The following CRPPA variants were observed in gnomAD, a reference collection of about 807,000 sequenced individuals.
The protein encoded by CRPPA is D-ribitol-5-phosphate cytidylyltransferase.
Under a neutral mutation model 52.0 loss-of-function variants are expected in CRPPA, and 43 were observed. The observed-to-expected ratio is 0.83, with a 90% confidence interval of 0.65 to 1.07. The LOEUF (loss-of-function observed/expected upper bound fraction) is 1.07, where lower values mean the gene tolerates loss of function less well. Among genes scored for constraint, CRPPA ranks in the 50% least tolerant of loss-of-function variants. CRPPA has a pLI of 0.00. For synonymous variants in CRPPA, 250 were observed against 203.5 expected, an observed-to-expected ratio of 1.23 and a Z score of -1.94; for missense variants, 629 against 551.7, an observed-to-expected ratio of 1.14 and a Z score of -1.40.
At chr7:16,175,702 A>C (rs1414985670) in intron 9 of CRPPA, among the ~76,000 whole-genome samples, 2 of 152,192 alleles carry the variant, frequency 1.3e-5, no homozygotes, top group Non-Finnish European at 2.9e-5. Context: ...AATAATGAGA[A>C]AACAATGTCT....
At chr7:16,362,336 T>C (rs1786476007) in intron 3 of CRPPA, among the ~76,000 whole-genome samples, 1 of 152,152 alleles carries the variant, frequency 6.6e-6, no homozygotes, top group Admixed American at 6.5e-5. Context: ...TGTCTTCCCA[T>C]GGCAGAAAAG....
chr7:16,337,968 CAG>C (rs1444027255), intron 3 of CRPPA, among the ~76,000 whole-genome samples: 1 of 152,110 alleles, frequency 6.6e-6, no homozygotes, highest in Admixed American at 6.5e-5. Context: ...CCACCCCAAA[CAG>C]AGGGGATATT....
At chr7:16,197,859 C>T (rs1781771858) in intron 9 of CRPPA, among the ~76,000 whole-genome samples, 1 of 150,132 alleles carries the variant, frequency 6.7e-6, no homozygotes, top group African/African-American at 2.5e-5. Flanking sequence ...TTACCCCCAA[C>T]CCCGTGCTCT....
chr7:16,101,281 C>A (rs1782038981), intron 9 of CRPPA, among the ~76,000 whole-genome samples: 1 of 152,086 alleles, frequency 6.6e-6, no homozygotes, highest in Non-Finnish European at 1.5e-5. Flanking sequence ...TCTGTCTGGT[C>A]CTGGGCTTTT....
intron 9 of CRPPA, among the ~76,000 whole-genome samples, chr7:16,164,364 C>A (rs1000414700): frequency 6.6e-6 from 1 of 152,166 alleles, no homozygotes; most frequent in African/African-American, 2.4e-5. Flanking sequence ...TCCATCAGGT[C>A]ATTTATGTTC....
chr7:16,397,821 A>C (rs1026064459), intron 2 of CRPPA, among the ~76,000 whole-genome samples: 2 of 152,206 alleles, frequency 1.3e-5, no homozygotes, highest in Admixed American at 1.3e-4. Flanking sequence ...CATGTGACTG[A>C]CGTGATCCAC....
intron 8 of CRPPA, among the ~76,000 whole-genome samples, chr7:16,237,038 C>T (rs1002232125): frequency 1.3e-5 from 2 of 151,988 alleles, no homozygotes; most frequent in African/African-American, 4.8e-5. Context: ...TCTTCATCTG[C>T]CTATTCAACC....
chr7:16,358,784 G>A (rs554824656), intron 3 of CRPPA, among the ~76,000 whole-genome samples: 43 of 152,238 alleles, frequency 2.8e-4, no homozygotes, highest in African/African-American at 9.4e-4. Context: ...TCTAAAAAAT[G>A]AAGAAATTGA....
intron 3 of CRPPA, among the ~76,000 whole-genome samples, chr7:16,368,575 C>G (rs1786668175): frequency 6.6e-6 from 1 of 152,182 alleles, no homozygotes; most frequent in Non-Finnish European, 1.5e-5. Context: ...TGTGTGTGCA[C>G]TTACACTTAC....
At chr7:16,389,928 A>AAAAAAAAAAAAAAAAAAAAAAAAAATAT in intron 2 of CRPPA, among the ~76,000 whole-genome samples, 1 of 29,760 alleles carries the variant, frequency 3.4e-5, no homozygotes, top group Non-Finnish European at 5.3e-5. Flanking sequence ...AAAAAAAAAA[A>AAAAAAAAAAAAAAAAAAAAAAAAAATAT]ATATATATAT....
chr7:16,117,021 T>C (rs1782389303), intron 9 of CRPPA, among the ~76,000 whole-genome samples: 1 of 152,206 alleles, frequency 6.6e-6, no homozygotes. Context: ...CTGCTGCTTT[T>C]TTAGCATCTA....
chr7:16,406,221 G>C lies in CRPPA; in HGVS notation c.374C>G (p.Thr125Ser). The C allele has an allele frequency of 6.2e-7, 1 of 1,613,964 alleles. No individual in the cohort carries two copies. The highest frequency in any genetic ancestry group is 8.5e-7 in the Non-Finnish European group (1 of 1,179,882). ...KRISLVEAGV[T>S]RHRSIFNGLK... ...TCCATTGAAAATTGACCTGTGGCGG[G>C]TCACTCCAGCTTCGACCAGTGAGAT... Residue 125 changes from threonine (T) to serine (S), a missense_variant, in exon 2 of 10, where the codon ACC becomes AGC. Coordinates refer to ENST00000407010, the MANE Select transcript of CRPPA (RefSeq NM_001101426.4).
intron 9 of CRPPA, among the ~76,000 whole-genome samples, chr7:16,215,278 G>T (rs748390584): frequency 4.6e-5 from 7 of 152,128 alleles, no homozygotes. Flanking sequence ...CTAGACTCTT[G>T]TATGGTACCT....
intron 9 of CRPPA, among the ~76,000 whole-genome samples, chr7:16,184,606 GGGCAATATAATTCAA>G (rs1781471079): frequency 6.6e-6 from 1 of 152,082 alleles, no homozygotes; most frequent in Non-Finnish European, 1.5e-5. Flanking sequence ...AGACACCCCA[GGGCAATATAATTCAA>G]AGGCACATGC....
At chr7:16,272,900 T>C (rs1034061495) in intron 6 of CRPPA, among the ~76,000 whole-genome samples, 1 of 151,872 alleles carries the variant, frequency 6.6e-6, no homozygotes, top group Non-Finnish European at 1.5e-5. Flanking sequence ...CATAGGGTTA[T>C]TTTTTTTCCA....
chr7:16,104,438 C>A lies in CRPPA; in HGVS notation c.1252-12639G>T, dbSNP rs1347778614. Among the ~76,000 whole-genome samples, 4 of 152,278 alleles carry A rather than the reference C, an allele frequency of 2.6e-5. No individual in the cohort carries two copies. In the East Asian group the frequency reaches 5.8e-4, roughly 22 times the overall value. ...TTTAAGAATCATTACAATTAAATGTCTCTCTGAAATGATGCTTTTGAGTAC... is the reference window on the plus strand; with the variant it reads ...TTTAAGAATCATTACAATTAAATGTATCTCTGAAATGATGCTTTTGAGTAC... On this transcript the variant is annotated intron_variant, in intron 9 of 9. Coordinates refer to ENST00000407010, the MANE Select transcript of CRPPA (RefSeq NM_001101426.4).
intron 9 of CRPPA, among the ~76,000 whole-genome samples, chr7:16,207,002 C>A (rs1009430954): frequency 6.6e-6 from 1 of 152,068 alleles, no homozygotes; most frequent in Non-Finnish European, 1.5e-5. Context: ...ATAAACAAAA[C>A]CAAATGCCAA....
rs1294455385 is a variant in CRPPA at position 16,363,691 on chromosome 7, A to G, written c.684+12401T>C. Reference sequence around the variant, plus strand: ...GTCTCTTTAGTGATGGAATCTAGAAAAACATACCCCATTACTGCAACATGA... The same window carrying G: ...GTCTCTTTAGTGATGGAATCTAGAAGAACATACCCCATTACTGCAACATGA... On this transcript the variant is annotated intron_variant, in intron 3 of 9. Transcript: ENST00000407010. Among the ~76,000 whole-genome samples, 3 of 152,202 alleles carry G rather than the reference A, an allele frequency of 2.0e-5. No homozygotes were observed. In the East Asian group the frequency reaches 5.8e-4, roughly 29 times the overall value.
intron 2 of CRPPA, among the ~76,000 whole-genome samples, chr7:16,404,059 G>T (rs1330906839): frequency 6.6e-6 from 1 of 152,082 alleles, no homozygotes; most frequent in Non-Finnish European, 1.5e-5. Context: ...TGAACCAGTT[G>T]TAACATCTGT....
Sources: allele counts gnomAD v4.1 joint callset (sites outside exome capture counted in the v4.1 genomes callset), GRCh38; gene constraint gnomAD v4.1.1; transcripts MANE v1.5; gene names NCBI Gene and HGNC (gene_info 2026-07-23, HGNC 2026-07-21).